The following RPGRIP1L variants were observed in gnomAD, a reference collection of about 807,000 sequenced individuals.
RPGRIP1L encodes the protein protein fantom.
Under a neutral mutation model 160.4 loss-of-function variants are expected in RPGRIP1L, and 131 were observed. That is an observed-to-expected ratio of 0.82 (90% CI 0.71 to 0.94). The LOEUF is 0.94. Among genes scored for constraint, RPGRIP1L ranks in the 40% least tolerant of loss-of-function variants. The pLI is 0.00. For missense variants in RPGRIP1L, 1,522 were observed against 1,535.8 expected, an observed-to-expected ratio of 0.99 and a Z score of 0.15; for synonymous variants, 510 against 515.8, an observed-to-expected ratio of 0.99 and a Z score of 0.15.
chr16:53,631,998 C>G (rs992863939), intron 22 of RPGRIP1L, among the ~76,000 whole-genome samples: 2 of 152,178 alleles, frequency 1.3e-5, no homozygotes, highest in Non-Finnish European at 2.9e-5. Flanking sequence ...AGGGGACAAG[C>G]ATTTCATACT....
At chr16:53,674,319 T>G (rs942985308) in intron 7 of RPGRIP1L, among the ~76,000 whole-genome samples, 3 of 152,172 alleles carry the variant, frequency 2.0e-5, no homozygotes, top group African/African-American at 7.2e-5. Flanking sequence ...ACATAAATTC[T>G]GCTCAACTGG....
intron 25 of RPGRIP1L, among the ~76,000 whole-genome samples, chr16:53,609,111 C>T (rs1963863032): frequency 6.6e-6 from 1 of 152,134 alleles, no homozygotes; most frequent in South Asian, 2.1e-4. Context: ...TTTTTTGAGA[C>T]AGGGTCTTGC....
At chr16:53,667,670 C>T (rs536577114) in intron 9 of RPGRIP1L, among the ~76,000 whole-genome samples, 134 of 152,140 alleles carry the variant, frequency 8.8e-4, no homozygotes, top group African/African-American at 2.9e-3. Context: ...GTCAGGAGTT[C>T]GAGACCAGCC....
intron 12 of RPGRIP1L, 28 bp from the exon 13 acceptor site, chr16:53,657,660 G>A: frequency 7.5e-7 from 1 of 1,336,612 alleles, no homozygotes; most frequent in Non-Finnish European, 1.0e-6. Context: ...TTTTATGACT[G>A]AAACAAAAAT....
At chr16:53,682,609 C>T (rs956758442) in intron 6 of RPGRIP1L, among the ~76,000 whole-genome samples, 2 of 152,114 alleles carry the variant, frequency 1.3e-5, no homozygotes, top group African/African-American at 4.8e-5. Context: ...TCCTTGATAA[C>T]CTTGTACTCA....
intron 23 of RPGRIP1L, among the ~76,000 whole-genome samples, chr16:53,621,204 A>G (rs1218881081): frequency 6.6e-6 from 1 of 152,172 alleles, no homozygotes; most frequent in Non-Finnish European, 1.5e-5. Context: ...GAAAACTTGC[A>G]TTATTGTAAG....
chr16:53,606,621 G>T lies in RPGRIP1L; in HGVS notation c.3702-1007C>A, dbSNP rs144523773. Among the ~76,000 whole-genome samples the T allele has an allele frequency of 5.8e-3, 886 of 152,078 alleles. 5 individuals are homozygous for T. Among genetic ancestry groups the T allele is most frequent in the Non-Finnish European group, 9.6e-3 (650 of 67,964 alleles). Reference sequence around the variant, plus strand: ...AGCAATAAGAATTTTTTTGTTTGTTGTGTTTTTTTTGAGATGGAGTCTCGC... The same window carrying T: ...AGCAATAAGAATTTTTTTGTTTGTTTTGTTTTTTTTGAGATGGAGTCTCGC... On this transcript the variant is annotated intron_variant, in intron 25 of 26. Coordinates refer to ENST00000647211, the MANE Select transcript of RPGRIP1L (RefSeq NM_015272.5).
rs538235177 is a variant in RPGRIP1L, at chr16:53,615,816, C to T, written c.3616+3209G>A. ...GTTTCACCATGTTGGCCAGGCTGGT[C>T]TCAAACTCCCAACCTCAGGATCTGT... is the stretch of plus-strand genomic sequence containing the variant. On this transcript the variant is annotated intron_variant, in intron 24 of 26. Transcript: ENST00000647211. Among the ~76,000 whole-genome samples, 3 of 152,084 alleles carry T rather than the reference C, an allele frequency of 2.0e-5. No individual in the cohort carries two copies. In the East Asian group the frequency reaches 5.8e-4, roughly 29 times the overall value.
At chr16:53,680,512 C>A (rs968835787) in intron 6 of RPGRIP1L, among the ~76,000 whole-genome samples, 5 of 151,896 alleles carry the variant, frequency 3.3e-5, no homozygotes, top group Non-Finnish European at 7.4e-5. Flanking sequence ...TGCAACAACA[C>A]GTGACCCTCG....
intron 17 of RPGRIP1L, among the ~76,000 whole-genome samples, chr16:53,643,627 TG>T: frequency 6.6e-6 from 1 of 152,284 alleles, no homozygotes; most frequent in Middle Eastern, 3.4e-3. Flanking sequence ...TAAGCTATGC[TG>T]ACCTATGGTT....
At chr16:53,651,169 G>A (rs182401544) in intron 15 of RPGRIP1L, among the ~76,000 whole-genome samples, 247 of 152,120 alleles carry the variant, frequency 1.6e-3, no homozygotes, top group Non-Finnish European at 2.5e-3. Context: ...TCAGTAAATG[G>A]CATCACTATT....
At chr16:53,671,465 G>A (rs758887350) in intron 9 of RPGRIP1L, 45 bp downstream of exon 9, 1 of 1,215,016 alleles carries the variant, frequency 8.2e-7, no homozygotes. Flanking sequence ...ACATATAAAA[G>A]AGCTCAAACA....
chr16:53,657,583 T>C lies in RPGRIP1L; in HGVS notation c.1451A>G (p.Asp484Gly), dbSNP rs1021097347. Residue 484 changes from aspartate to glycine, a missense_variant, in exon 13 of 27, where the codon GAT (aspartate) becomes GGT (glycine). Physicochemically the swap from Asp to Gly is moderately conservative, Grantham distance 94. Coordinates refer to ENST00000647211, the MANE Select transcript of RPGRIP1L (RefSeq NM_015272.5). ...TTCTAGATCTTTATTAATTTCACTA[T>C]CTACTTTCACTAAAAAGGAAAGGTC... is the stretch of plus-strand genomic sequence containing the variant. The part of the protein sequence containing the change: ...NGDLSFLVKV[D>G]SEINKDLERS... 8.1e-6 allele frequency: 13 copies of C among 1,601,248 alleles called. No individual in the cohort carries two copies. Among genetic ancestry groups the C allele is most frequent in the Admixed American group, 1.7e-5 (1 of 59,542 alleles).
intron 8 of RPGRIP1L, among the ~76,000 whole-genome samples, chr16:53,671,836 A>T (rs1968762506): frequency 6.6e-6 from 1 of 152,152 alleles, no homozygotes; most frequent in Non-Finnish European, 1.5e-5. Flanking sequence ...GCTTTATGCA[A>T]CATGTGCCAG....
At chr16:53,634,005 T>A (rs1411888629) in intron 22 of RPGRIP1L, among the ~76,000 whole-genome samples, 2 of 152,208 alleles carry the variant, frequency 1.3e-5, no homozygotes, top group Non-Finnish European at 2.9e-5. Flanking sequence ...GGGTAATTTA[T>A]GAATAATAGA....
intron 3 of RPGRIP1L, among the ~76,000 whole-genome samples, chr16:53,693,109 T>G (rs1970498658): frequency 6.6e-6 from 1 of 152,202 alleles, no homozygotes; most frequent in Non-Finnish European, 1.5e-5. Context: ...ATGGGGGTGA[T>G]GTAATATACA....
intron 10 of RPGRIP1L, among the ~76,000 whole-genome samples, chr16:53,663,798 T>A (rs1212178090): frequency 6.6e-6 from 1 of 152,144 alleles, no homozygotes; most frequent in Non-Finnish European, 1.5e-5. Flanking sequence ...CTCCATTGAT[T>A]ATGTGTTCCA....
chr16:53,692,325 T>G lies in RPGRIP1L; in HGVS notation c.270A>C (p.Lys90Asn), dbSNP rs1440736858. The change falls in exon 4 of 27, where the codon AAA (lysine) becomes AAC (asparagine). Residue 90 changes from lysine (K) to asparagine (N), a missense_variant. Coordinates refer to ENST00000647211, the MANE Select transcript of RPGRIP1L (RefSeq NM_015272.5). ...GGCCGCCACCAACCCGCTCATATCT[T>G]TTCTTGTCATTAACTAGCCGTATTA... ...TKLIRLVNDKKRYERVGGGPK... is the reference protein window; with the variant it reads ...TKLIRLVNDKNRYERVGGGPK... 3 of 1,614,060 alleles carry G rather than the reference T, an allele frequency of 1.9e-6. No individual in the cohort carries two copies. The highest frequency in any genetic ancestry group is 2.5e-6 in the Non-Finnish European group (3 of 1,180,030).
chr16:53,622,296 G>A lies in RPGRIP1L; in HGVS notation c.3355C>T (p.Arg1119Cys), dbSNP rs1030543863. 5.5e-5 allele frequency: 36 copies of A among 654,930 alleles called. No individual in the cohort carries two copies. The Middle Eastern group carries it at 1.5e-3, about 28-fold the overall frequency. The allele number at this position is 654,930 out of a possible 1,614,324, so 40.6% of individuals were successfully genotyped here. The change falls in exon 23 of 27, where the codon CGC becomes TGC. Residue 1119 changes from arginine to cysteine, a missense_variant. Arg to Cys is a radical substitution (Grantham distance 180, BLOSUM62 -3). Transcript: ENST00000647211. ...GGAAAATCGCTGGAACCCGGGAGGCGGAAGTTGCAGTGAGCTGAGATCGCG... is the reference window on the plus strand; with the variant it reads ...GGAAAATCGCTGGAACCCGGGAGGCAGAAGTTGCAGTGAGCTGAGATCGCG... ...SSAISAHCNFRLPGSSDFPAS... is the reference protein window; with the variant it reads ...SSAISAHCNFCLPGSSDFPAS...
Sources: allele counts gnomAD v4.1 joint callset (sites outside exome capture counted in the v4.1 genomes callset), GRCh38; gene constraint gnomAD v4.1.1; transcripts MANE v1.5; gene names NCBI Gene and HGNC (gene_info 2026-07-23, HGNC 2026-07-21).